ITPR3: variants seen among roughly 807,000 people sequenced by gnomAD.
The protein encoded by ITPR3 is inositol 1,4,5-trisphosphate-gated calcium channel ITPR3.
In ITPR3, 173 loss-of-function variants were observed where a neutral mutation model predicts 293.2. The observed-to-expected ratio is 0.59, with a 90% CI of 0.52 to 0.67. The LOEUF (loss-of-function observed/expected upper bound fraction) is 0.67. Ranked by LOEUF, ITPR3 falls within the 30% of genes least tolerant of loss-of-function variation. The pLI, the probability that ITPR3 is intolerant of heterozygous loss-of-function variation, is 0.00. For synonymous variants in ITPR3, 1,295 were observed against 1,444.4 expected (o/e 0.90, Z 2.35); for missense variants, 2,796 against 3,592.1 (o/e 0.78, Z 5.66).
chr6:33,694,724 AGG>A, intron 56 of ITPR3, 198 bp from the exon 57 acceptor site: 5 of 494,794 alleles, frequency 1.0e-5, no homozygotes, highest in East Asian at 6.9e-5. Flanking sequence ...TCGGTGGCAG[AGG>A]GTTGACAAGA....
In ITPR3 at chr6:33,664,415, G is replaced by C. The variant is rs1370042360; in HGVS notation, c.1149-455G>C. Reference sequence around the variant, plus strand: ...CACAGTCCCTTCCCTGAAACTCTTGGGGGTAGATGGATTTGGTATTCAGAT... The same window carrying C: ...CACAGTCCCTTCCCTGAAACTCTTGCGGGTAGATGGATTTGGTATTCAGAT... On this transcript the variant is annotated intron_variant, in intron 11 of 57. Transcript: ENST00000605930. The surrounding 1 kb of genome is among the most constrained non-coding windows in gnomAD (Gnocchi z 4.4). Among the ~76,000 whole-genome samples, 2 of 152,168 alleles carry C rather than the reference G, an allele frequency of 1.3e-5. No individual in the cohort carries two copies. Among genetic ancestry groups the C allele is most frequent in the Non-Finnish European group, 1.5e-5 (1 of 68,034 alleles).
intron 1 of ITPR3, 135 bp from the exon 2 acceptor site, chr6:33,640,349 G>A: frequency 3.9e-6 from 3 of 762,188 alleles, no homozygotes; most frequent in Non-Finnish European, 6.2e-6. Context: ...ATGACTTGAT[G>A]GTGGGGAGCT....
chr6:33,648,544 T>C (rs1764119647), intron 2 of ITPR3, among the ~76,000 whole-genome samples: 1 of 151,928 alleles, frequency 6.6e-6, no homozygotes, highest in African/African-American at 2.4e-5. Context: ...ACCCTTTTTT[T>C]TTCTTCCTCA....
chr6:33,668,451 G>T, intron 16 of ITPR3, 64 bp from the exon 17 acceptor site: 3 of 1,605,338 alleles, frequency 1.9e-6, no homozygotes, highest in Non-Finnish European at 2.6e-6. Context: ...GGAAGGGTGG[G>T]CTCTGTCCTT....
chr6:33,659,599 C>A (rs1434384809), intron 7 of ITPR3, 50 bp downstream of exon 7: 5 of 1,479,130 alleles, frequency 3.4e-6, no homozygotes, highest in Non-Finnish European at 4.7e-6. Flanking sequence ...TAGCCCTCCC[C>A]ACCAGGGCCC....
In ITPR3 at chr6:33,669,043, G is replaced by A; in HGVS notation, c.2076G>A (p.Val692=). The change falls in exon 18 of 58, where the codon GTG becomes GTA. Residue 692 remains valine, a synonymous_variant. Transcript: ENST00000605930. ...YLSIEYSEEE[V]WLTWTDKNNE... The stretch of plus-strand genomic sequence containing the variant: ...GCATCGAGTACTCAGAAGAGGAAGT[G>A]TGGCTCACGTGGACTGACAAGAATA... 1.9e-6 allele frequency: 3 copies of A among 1,614,198 alleles called. No homozygotes were observed. Among genetic ancestry groups the A allele is most frequent in the Non-Finnish European group, 2.5e-6 (3 of 1,180,038 alleles).
Position 33,655,900 on chromosome 6 carries a change from G to A in ITPR3, c.282+13G>A. The A allele has an allele frequency of 1.9e-6, 3 of 1,613,780 alleles. No individual in the cohort carries two copies. Among genetic ancestry groups the A allele is most frequent in the Middle Eastern group, 1.7e-4 (1 of 6,060 alleles). ...GCAGAAGCTGCAGGTATGTGTGTGT[G>A]TGCAGGCGTGCATCTGTGCACATGT... On this transcript the variant is annotated intron_variant, in intron 3 of 57. Coordinates refer to ENST00000605930, the MANE Select transcript of ITPR3 (RefSeq NM_002224.4). The surrounding 1 kb of genome is among the most constrained non-coding windows in gnomAD (Gnocchi z 4.9).
At chr6:33,649,930 G>A (rs1453818454) in intron 2 of ITPR3, among the ~76,000 whole-genome samples, 1 of 152,132 alleles carries the variant, frequency 6.6e-6, no homozygotes, top group Non-Finnish European at 1.5e-5. Flanking sequence ...GGAGTGGTAG[G>A]CACCTTAGTC....
Position 33,692,868 on chromosome 6 carries a change from T to G in ITPR3, c.7599T>G (p.Ile2533Met). The change falls in exon 55 of 58, where the codon ATT becomes ATG. Residue 2533 changes from isoleucine (I) to methionine (M), a missense_variant. Transcript: ENST00000605930. The surrounding 1 kb of genome is among the most constrained non-coding windows in gnomAD (Gnocchi z 4.2). The part of the protein sequence containing the change: ...LRSEKQKKEE[I>M]LKTTCFICGL... The stretch of plus-strand genomic sequence containing the variant: ...GTGAGAAGCAGAAGAAGGAGGAGAT[T>G]CTTAAGACGACATGCTTCATCTGTG... The G allele has an allele frequency of 6.2e-7, 1 of 1,614,126 alleles. No individual in the cohort carries two copies. The highest frequency in any genetic ancestry group is 1.1e-5 in the South Asian group (1 of 91,084).
intron 1 of ITPR3, among the ~76,000 whole-genome samples, chr6:33,631,088 C>T (rs1401684133): frequency 6.6e-6 from 1 of 152,240 alleles, no homozygotes; most frequent in African/African-American, 2.4e-5. Context: ...TCCCAGTGTT[C>T]TGACAGTGCC....
chr6:33,671,348 GCCT>G (rs1270627713), intron 21 of ITPR3, 42 bp downstream of exon 21: 1 of 1,474,036 alleles, frequency 6.8e-7, no homozygotes, highest in South Asian at 1.2e-5. Flanking sequence ...GTGGTCCTCA[GCCT>G]CCTCCTAGCA....
At chr6:33,645,190 C>T (rs923797360) in intron 2 of ITPR3, among the ~76,000 whole-genome samples, 1 of 151,602 alleles carries the variant, frequency 6.6e-6, no homozygotes, top group African/African-American at 2.4e-5. Context: ...AAATATTGGC[C>T]GGGTGTGGTG....
At position 33,679,862 on chromosome 6, in the gene ITPR3, G is replaced by A. The variant is rs368303934; in HGVS notation, c.3973-20G>A. 3.6e-5 allele frequency: 58 copies of A among 1,600,448 alleles called. 1 individual carries two copies. The East Asian group carries it at 1.1e-3, about 31-fold the overall frequency. On this transcript the variant is annotated intron_variant, in intron 30 of 57. Coordinates refer to ENST00000605930, the MANE Select transcript of ITPR3 (RefSeq NM_002224.4). The surrounding 1 kb of genome is among the most constrained non-coding windows in gnomAD (Gnocchi z 4.2). ...TTGCTGGACCGAGAGAGTGTGACACGTGCCCCCTCCCACCCGCAGCTGACC... is the reference window on the plus strand; with the variant it reads ...TTGCTGGACCGAGAGAGTGTGACACATGCCCCCTCCCACCCGCAGCTGACC...
chr6:33,685,569 G>C, intron 40 of ITPR3, 36 bp downstream of exon 40: 1 of 1,601,756 alleles, frequency 6.2e-7, no homozygotes, highest in Non-Finnish European at 8.5e-7. Flanking sequence ...GCGTGACGGG[G>C]ATCCCAGGAT....
rs1432897301 is a variant in ITPR3 at position 33,670,898 on chromosome 6, G to A, written c.2586+83G>A. On this transcript the variant is annotated intron_variant, in intron 20 of 57. Transcript: ENST00000605930. This position sits in a 1 kb window ranked among gnomAD's most constrained non-coding sequence, Gnocchi z 6.7. ...TGGCCTCGGTCTTCACCCAGGAGTCGGCTGTGGGATCCATGACCCCACTTC... is the reference window on the plus strand; with the variant it reads ...TGGCCTCGGTCTTCACCCAGGAGTCAGCTGTGGGATCCATGACCCCACTTC... 1.8e-5 allele frequency: 28 copies of A among 1,525,846 alleles called. No individual in the cohort carries two copies. The highest frequency in any genetic ancestry group is 1.8e-4 in the Middle Eastern group (1 of 5,436). 94.5% of individuals were successfully genotyped at this position (1,525,846 alleles called of 1,614,324 possible). A position where few individuals can be genotyped will look rare whatever the true frequency, so the allele number is the denominator to read the frequency against.
chr6:33,644,082 T>G (rs1764012054), intron 2 of ITPR3, among the ~76,000 whole-genome samples: 2 of 152,016 alleles, frequency 1.3e-5, no homozygotes, highest in African/African-American at 4.8e-5. Context: ...CCCAGCTACT[T>G]GGTAAGCAGA....
chr6:33,690,132 C>T lies in ITPR3; in HGVS notation c.6966C>T (p.Tyr2322=), dbSNP rs1228250774. The T allele has an allele frequency of 6.2e-7, 1 of 1,614,200 alleles. No homozygotes were observed. The highest frequency in any genetic ancestry group is 8.5e-7 in the Non-Finnish European group (1 of 1,180,040). The change falls in exon 51 of 58, where the codon TAC becomes TAT. Residue 2322 remains tyrosine, a synonymous_variant. Transcript: ENST00000605930. ...KAMVMDMEFL[Y]HVGYILTSVL... ...TGGTCATGGACATGGAATTCCTCTA[C>T]CACGTGGGCTACATCCTGACCAGTG...
In ITPR3 at chr6:33,672,180, G is replaced by A; in HGVS notation, c.2880G>A (p.Glu960=). The A allele has an allele frequency of 6.2e-7, 1 of 1,614,092 alleles. No individual in the cohort carries two copies. The highest frequency in any genetic ancestry group is 1.1e-5 in the South Asian group (1 of 91,058). ...ACAGAAGCAAGTTTGAGGAGAATGA[G>A]GACATTGTGGTGATGGAGACCAAGC... ...PLDRSKFEEN[E]DIVVMETKLK... Residue 960 remains glutamate, a synonymous_variant, in exon 22 of 58, where the codon GAG becomes GAA. Transcript: ENST00000605930. This position sits in a 1 kb window ranked among gnomAD's most constrained non-coding sequence, Gnocchi z 5.0.
Position 33,657,944 on chromosome 6 carries a change from A to C in ITPR3, c.295A>C (p.Met99Leu). The C allele has an allele frequency of 6.2e-7, 1 of 1,613,766 alleles. No homozygotes were observed. The highest frequency in any genetic ancestry group is 8.5e-7 in the Non-Finnish European group (1 of 1,179,828). Residue 99 changes from methionine to leucine, a missense_variant, in exon 4 of 58, where the codon ATG becomes CTG. Transcript: ENST00000605930. Reference sequence around the variant, plus strand: ...TGTGTCTGTGCAGCATGCGGCGCAGATGGAGCAGAAGCAAAATGACACGGA... The same window carrying C: ...TGTGTCTGTGCAGCATGCGGCGCAGCTGGAGCAGAAGCAAAATGACACGGA... ...LLQKLQHAAQ[M>L]EQKQNDTENK...
Sources: gnomAD v4.1 joint callset for allele counts (sites outside exome capture counted in the v4.1 genomes callset) on GRCh38, gnomAD v4.1.1 for gene constraint, Gnocchi (gnomAD v3.1) non-coding constraint, MANE v1.5 for transcripts, NCBI Gene and HGNC (gene_info 2026-07-23, HGNC 2026-07-21) for gene names.